Variants in KLF12 observed in about 807,000 individuals in gnomAD.
KLF12 encodes Krueppel-like factor 12.
KLF12 carries 9 observed loss-of-function variants against 37.8 expected under a neutral mutation model. The observed-to-expected ratio is 0.24, with a 90% CI of 0.14 to 0.42. KLF12 has a LOEUF of 0.42. KLF12 is among the 10% of genes least tolerant of loss of function. The pLI is 1.00. For synonymous variants in KLF12, 208 were observed against 202.1 expected (o/e 1.03, Z -0.25); for missense variants, 411 against 516.0 (o/e 0.80, Z 1.97).
intron 5 of KLF12, among the ~76,000 whole-genome samples, chr13:73,805,210 T>A (rs1281821343): frequency 6.6e-6 from 1 of 152,200 alleles, no homozygotes; most frequent in African/African-American, 2.4e-5. Flanking sequence ...TACATTTCAA[T>A]GTAATGTTGA....
At chr13:73,712,406 T>G (rs566326922) in intron 7 of KLF12, among the ~76,000 whole-genome samples, 1 of 149,420 alleles carries the variant, frequency 6.7e-6, no homozygotes, top group East Asian at 2.0e-4. Flanking sequence ...TGCAATCTCA[T>G]GATAAAACTT....
the KLF12 span, among the ~76,000 whole-genome samples, chr13:74,174,442 G>A: frequency 2.7e-3 from 407 of 151,544 alleles, 4 homozygotes; most frequent in African/African-American, 9.0e-3. Flanking sequence ...GGGTTTCACG[G>A]TGTTAGCCAG....
chr13:73,773,118 G>T (rs150148530), intron 5 of KLF12, among the ~76,000 whole-genome samples: 216 of 152,306 alleles, frequency 1.4e-3, no homozygotes, highest in Non-Finnish European at 2.3e-3. Context: ...CACATCTGGG[G>T]TTCAGCAGAC....
intron 4 of KLF12, among the ~76,000 whole-genome samples, chr13:73,832,465 C>T (rs1012139436): frequency 4.6e-5 from 7 of 152,168 alleles, no homozygotes; most frequent in African/African-American, 1.7e-4. Flanking sequence ...TCACGTCTGA[C>T]AAAGGCCACA....
At chr13:74,082,403 T>C (rs1346780483) in intron 1 of KLF12, among the ~76,000 whole-genome samples, 1 of 152,210 alleles carries the variant, frequency 6.6e-6, no homozygotes, top group Non-Finnish European at 1.5e-5. Flanking sequence ...CACTATACTA[T>C]ACTACTTATA....
chr13:74,262,033 C>T, the KLF12 span, among the ~76,000 whole-genome samples: 1 of 152,138 alleles, frequency 6.6e-6, no homozygotes, highest in African/African-American at 2.4e-5. Context: ...ACTGGGGCCT[C>T]TCTTTTTGCC....
At chr13:74,202,340 G>A in the KLF12 span, among the ~76,000 whole-genome samples, 1 of 152,088 alleles carries the variant, frequency 6.6e-6, no homozygotes, top group Admixed American at 6.6e-5. Flanking sequence ...TATCTTGGCT[G>A]CACATGGGTA....
At chr13:73,754,578 C>G (rs1879015300) in intron 6 of KLF12, among the ~76,000 whole-genome samples, 1 of 152,134 alleles carries the variant, frequency 6.6e-6, no homozygotes, top group South Asian at 2.1e-4. Flanking sequence ...TCTCTATTAG[C>G]CATGGTAATG....
intron 1 of KLF12, among the ~76,000 whole-genome samples, chr13:74,082,153 C>T (rs1404570384): frequency 1.5e-5 from 1 of 66,076 alleles, no homozygotes; most frequent in Admixed American, 1.6e-4. Context: ...CATAGCAAGA[C>T]CCTGTCTCTT....
At chr13:74,285,749 G>A in the KLF12 span, among the ~76,000 whole-genome samples, 17 of 152,158 alleles carry the variant, frequency 1.1e-4, no homozygotes, top group Admixed American at 4.6e-4. Flanking sequence ...TCTTTCATCT[G>A]TGAAATGGGA....
chr13:73,699,236 G>A (rs945135080), intron 7 of KLF12, among the ~76,000 whole-genome samples: 5 of 79,700 alleles, frequency 6.3e-5, no homozygotes, highest in African/African-American at 2.6e-4. Flanking sequence ...ATAAAAAAAC[G>A]TAGCCAGGTG....
chr13:74,280,114 C>A, the KLF12 span, among the ~76,000 whole-genome samples: 7 of 152,268 alleles, frequency 4.6e-5, no homozygotes, highest in South Asian at 1.4e-3. Flanking sequence ...GGTTGGTGAG[C>A]ATATTAATAA....
At chr13:73,984,484 G>C (rs769996212) in intron 2 of KLF12, among the ~76,000 whole-genome samples, 3 of 152,160 alleles carry the variant, frequency 2.0e-5, no homozygotes, top group Non-Finnish European at 4.4e-5. Context: ...GAAGTTAGAG[G>C]CTTATGATCA....
At chr13:73,752,726 ATATATTT>A (rs2137983108) in intron 6 of KLF12, among the ~76,000 whole-genome samples, 1 of 108,122 alleles carries the variant, frequency 9.2e-6, no homozygotes. Context: ...CCTTCCACAT[ATATATTT>A]TTTTTTTTTT....
In KLF12 at chr13:73,918,536, A is replaced by T. The variant is rs75096422; in HGVS notation, c.123+25445T>A. Among the ~76,000 whole-genome samples the T allele has an allele frequency of 6.2e-4, 94 of 152,298 alleles. 4 individuals are homozygous for T. The East Asian group carries it at 0.014, about 22-fold the overall frequency. On this transcript the variant is annotated intron_variant, in intron 3 of 7. Transcript: ENST00000377669. ...ACAGAACTATTTTAGGCCGATTTTTATACTTGATAAAAAATAAACTCCAAG... is the reference window on the plus strand; with the variant it reads ...ACAGAACTATTTTAGGCCGATTTTTTTACTTGATAAAAAATAAACTCCAAG...
chr13:73,698,324 A>T (rs1874294626), intron 7 of KLF12, among the ~76,000 whole-genome samples: 1 of 152,152 alleles, frequency 6.6e-6, no homozygotes, highest in Non-Finnish European at 1.5e-5. Context: ...AGAGGTAGAC[A>T]AGAACTTCCA....
At chr13:73,887,166 A>G (rs1276428836) in intron 3 of KLF12, among the ~76,000 whole-genome samples, 5 of 152,204 alleles carry the variant, frequency 3.3e-5, no homozygotes, top group South Asian at 4.1e-4. Context: ...CTGAACAAAT[A>G]TAACTGCCTA....
intron 6 of KLF12, among the ~76,000 whole-genome samples, chr13:73,733,783 G>C (rs1462022449): frequency 6.6e-6 from 1 of 152,124 alleles, no homozygotes; most frequent in African/African-American, 2.4e-5. Context: ...CACAAGCAAA[G>C]CACAAGGGTT....
chr13:74,239,677 T>A, the KLF12 span, among the ~76,000 whole-genome samples: 1 of 141,556 alleles, frequency 7.1e-6, no homozygotes, highest in Non-Finnish European at 1.5e-5. Context: ...GTTGAATTGA[T>A]CCCTTTACCA....
Sources: allele counts gnomAD v4.1 joint callset (sites outside exome capture counted in the v4.1 genomes callset), GRCh38; gene constraint gnomAD v4.1.1; transcripts MANE v1.5; gene names NCBI Gene and HGNC (gene_info 2026-07-23, HGNC 2026-07-21).